The following SCN1A variants were observed in gnomAD, a reference collection of about 807,000 sequenced individuals.
SCN1A encodes the protein sodium voltage-gated channel alpha subunit 1.
Under a neutral mutation model 193.7 loss-of-function variants are expected in SCN1A, and 13 were observed. The observed-to-expected ratio is 0.07, with a 90% CI of 0.04 to 0.11. SCN1A has a LOEUF of 0.11. Ranked by LOEUF, SCN1A falls within the 10% of genes least tolerant of loss-of-function variation. SCN1A has a pLI of 1.00. For missense variants in SCN1A, 1,432 were observed against 2,451.1 expected (o/e 0.58, Z 8.78); for synonymous variants, 781 against 843.6 (o/e 0.93, Z 1.29).
chr2:166,056,637 T>C, intron 5 of SCN1A, 137 bp from the exon 6 acceptor site: 1 of 664,062 alleles, frequency 1.5e-6, no homozygotes, highest in East Asian at 2.7e-5. Context: ...TCTTCTAATC[T>C]CCTTACATTT....
At chr2:166,132,198 G>A (rs945057833), upstream of SCN1A, among the ~76,000 whole-genome samples, 6 of 152,166 alleles carry the variant, frequency 3.9e-5, no homozygotes, top group Non-Finnish European at 7.3e-5. Flanking sequence ...AAATGCTAGA[G>A]TTTGGATTTA....
At chr2:166,135,886 C>T (rs938102325) in intron 1 of SCN1A, among the ~76,000 whole-genome samples, 2 of 152,142 alleles carry the variant, frequency 1.3e-5, no homozygotes, top group Admixed American at 6.5e-5. Flanking sequence ...GATGTCTTAC[C>T]CACACCTGAG....
intron 2 of SCN1A, among the ~76,000 whole-genome samples, chr2:166,088,077 TG>T: frequency 6.6e-6 from 1 of 152,084 alleles, no homozygotes; most frequent in African/African-American, 2.4e-5. Flanking sequence ...TGTGTGTGTG[TG>T]TGTGTGTAAG....
chr2:166,136,648 G>A (rs549421757), intron 1 of SCN1A, among the ~76,000 whole-genome samples: 1 of 152,256 alleles, frequency 6.6e-6, no homozygotes, highest in Admixed American at 6.5e-5. Context: ...GCAGAAAGTA[G>A]ATGGTACATT....
chr2:166,147,093 C>CT (rs11455655), intron 1 of SCN1A, among the ~76,000 whole-genome samples: 122,790 of 152,046 alleles, frequency 0.81, 50,196 homozygotes, highest in African/African-American at 0.94. Flanking sequence ...ATCCCTAGAG[C>CT]TTCTGACTCA....
intron 2 of SCN1A, among the ~76,000 whole-genome samples, chr2:166,111,529 A>AT (rs1689295328): frequency 6.6e-6 from 1 of 152,022 alleles, no homozygotes; most frequent in African/African-American, 2.4e-5. Flanking sequence ...GATTAATGTT[A>AT]TTTTCATGCC....
intron 7 of SCN1A, among the ~76,000 whole-genome samples, chr2:166,053,396 CTATGGTTTAGGGT>C (rs1292853266): frequency 2.6e-5 from 4 of 151,854 alleles, no homozygotes; most frequent in Non-Finnish European, 1.5e-5. Flanking sequence ...TAAATCTTGG[CTATGGTTTAGGGT>C]TTTAGTTAGA....
chr2:166,141,706 G>C (rs1188078769), intron 1 of SCN1A, among the ~76,000 whole-genome samples: 3 of 149,228 alleles, frequency 2.0e-5, no homozygotes, highest in Non-Finnish European at 3.0e-5. Context: ...AAACACTTAT[G>C]TTATTTTCTT....
intron 2 of SCN1A, among the ~76,000 whole-genome samples, chr2:166,081,255 C>A (rs541392628): frequency 2.4e-4 from 36 of 152,054 alleles, no homozygotes; most frequent in Non-Finnish European, 4.9e-4. Flanking sequence ...TTTCTCCAGT[C>A]AAACAAATAT....
chr2:166,009,853 A>C lies in SCN1A; in HGVS notation c.3880-12T>G. 6.2e-7 allele frequency: 1 copy of C among 1,604,426 alleles called. No individual in the cohort carries two copies. The highest frequency in any genetic ancestry group is 8.5e-7 in the Non-Finnish European group (1 of 1,173,060). The stretch of plus-strand genomic sequence containing the variant: ...CTGACCAATGAAACCTGCACACACA[A>C]AAATAATAACAATTAATAAACAGAA... On this transcript the variant is annotated splice_polypyrimidine_tract_variant and intron_variant, in intron 22 of 28. Transcript: ENST00000674923.
intron 10 of SCN1A, among the ~76,000 whole-genome samples, chr2:166,048,054 C>A (rs892629401): frequency 3.2e-4 from 48 of 151,914 alleles, no homozygotes; most frequent in Admixed American, 6.6e-4. Context: ...TATGGAGTCT[C>A]CAGAGTTTAT....
chr2:166,093,298 C>A (rs1262385528), intron 2 of SCN1A, among the ~76,000 whole-genome samples: 2 of 151,252 alleles, frequency 1.3e-5, no homozygotes, highest in East Asian at 1.9e-4. Context: ...CTCTTTATGG[C>A]TTACTTGGGT....
chr2:166,085,758 A>G (rs1686043865), intron 2 of SCN1A, among the ~76,000 whole-genome samples: 1 of 152,170 alleles, frequency 6.6e-6, no homozygotes, highest in Non-Finnish European at 1.5e-5. Flanking sequence ...AATTGAGACT[A>G]GAAGTATCAG....
chr2:166,103,349 A>G (rs988032457), intron 2 of SCN1A, among the ~76,000 whole-genome samples: 3 of 151,654 alleles, frequency 2.0e-5, no homozygotes, highest in African/African-American at 7.3e-5. Context: ...TACTCGGGAG[A>G]CTGAGGCAGG....
chr2:166,027,603 T>C (rs1347678367), intron 19 of SCN1A, among the ~76,000 whole-genome samples: 2 of 150,978 alleles, frequency 1.3e-5, no homozygotes, highest in African/African-American at 2.4e-5. Context: ...TACATATATA[T>C]TTAATATATA....
chr2:166,034,192 T>A (rs1696030000), intron 19 of SCN1A, among the ~76,000 whole-genome samples: 1 of 152,200 alleles, frequency 6.6e-6, no homozygotes, highest in Admixed American at 6.5e-5. Context: ...CTGCACTATA[T>A]TTCTTTCCCT....
chr2:166,009,782 T>G lies in SCN1A; in HGVS notation c.3939A>C (p.Lys1313Asn), dbSNP rs755831238. The change falls in exon 23 of 29, where the codon AAA becomes AAC. Residue 1313 changes from lysine to asparagine, a missense_variant. Around this residue, in one of 18 missense-constraint regions of SCN1A, gnomAD observed 107 missense variants for 259.4 expected, o/e 0.41. Transcript: ENST00000674923. ...ALGYSELGAI[K>N]SLRTLRALRP... ...TCAGAGCTCTTAGTGTCCTGAGAGATTTGATGGCTCCAAGTTCTGAGTAAC... is the reference window on the plus strand; with the variant it reads ...TCAGAGCTCTTAGTGTCCTGAGAGAGTTGATGGCTCCAAGTTCTGAGTAAC... 1 of 1,607,664 alleles carries G rather than the reference T, an allele frequency of 6.2e-7. No homozygotes were observed. The highest frequency in any genetic ancestry group is 1.1e-5 in the South Asian group (1 of 90,952).
At chr2:166,140,881 G>C (rs1692052463) in intron 1 of SCN1A, among the ~76,000 whole-genome samples, 1 of 152,154 alleles carries the variant, frequency 6.6e-6, no homozygotes, top group South Asian at 2.1e-4. Flanking sequence ...GCTTCTGAAA[G>C]TGTGGCCACA....
At chr2:166,025,772 T>C (rs1694677520) in intron 19 of SCN1A, among the ~76,000 whole-genome samples, 1 of 152,210 alleles carries the variant, frequency 6.6e-6, no homozygotes, top group East Asian at 1.9e-4. Flanking sequence ...ATCTTCTTCC[T>C]TTTTTGTTCC....
Sources: allele counts gnomAD v4.1 joint callset (sites outside exome capture counted in the v4.1 genomes callset), GRCh38; gene constraint gnomAD v4.1.1; regional missense constraint gnomAD v4.1.1; transcripts MANE v1.5; gene names NCBI Gene and HGNC (gene_info 2026-07-23, HGNC 2026-07-21).